Variants in SRRM4 observed in about 807,000 individuals in gnomAD.
SRRM4 encodes serine/arginine repetitive matrix 4, also known as serine/arginine repetitive matrix protein 4.
A neutral mutation model predicts 68.9 loss-of-function variants in SRRM4; 33 were observed. That is an observed-to-expected ratio of 0.48 (90% confidence interval 0.36 to 0.64). The LOEUF is 0.64. Among genes scored for constraint, SRRM4 ranks in the 30% least tolerant of loss-of-function variants. The pLI is 0.00. For synonymous variants in SRRM4, 318 were observed against 318.8 expected (o/e 1.00, Z 0.03); for missense variants, 817 against 827.1 (o/e 0.99, Z 0.15).
rs1954517949 is a variant in SRRM4, at chr12:119,162,085, A to G, written c.*5287A>G. On this transcript the variant is annotated 3_prime_UTR_variant, in exon 13 of 13. Transcript: ENST00000267260. ...CTGTAAAATGGGGCTTGTCCTATATATTATCTGCAAGACGTGGGAAATGGG... is the reference window on the plus strand; with the variant it reads ...CTGTAAAATGGGGCTTGTCCTATATGTTATCTGCAAGACGTGGGAAATGGG... The G allele has an allele frequency of 6.6e-6, 1 of 152,106 alleles. No homozygotes were observed. Among genetic ancestry groups the G allele is most frequent in the Non-Finnish European group, 1.5e-5 (1 of 68,018 alleles). The allele number at this position is 152,106 out of a possible 1,614,324, so 9.4% of individuals were successfully genotyped here. A position where few individuals can be genotyped will look rare whatever the true frequency, so the allele number is the denominator to read the frequency against.
At chr12:118,999,116 A>G (rs1424265980) in intron 1 of SRRM4, among the ~76,000 whole-genome samples, 2 of 152,204 alleles carry the variant, frequency 1.3e-5, no homozygotes, top group Non-Finnish European at 2.9e-5. Flanking sequence ...TCTTTATCCT[A>G]TCTGGAAGGA....
intron 9 of SRRM4, among the ~76,000 whole-genome samples, chr12:119,147,789 C>T (rs1332268808): frequency 6.6e-6 from 1 of 152,182 alleles, no homozygotes; most frequent in Non-Finnish European, 1.5e-5. Context: ...GCATATGAGC[C>T]AGTTGTAATT....
chr12:119,021,979 G>A (rs1953519098), intron 1 of SRRM4, among the ~76,000 whole-genome samples: 1 of 151,958 alleles, frequency 6.6e-6, no homozygotes. Context: ...GGTATTTCTT[G>A]TTCTAGATCC....
At chr12:119,115,724 C>G (rs1356525124) in intron 3 of SRRM4, among the ~76,000 whole-genome samples, 6 of 152,118 alleles carry the variant, frequency 3.9e-5, no homozygotes, top group African/African-American at 1.2e-4. Flanking sequence ...AAGGAAACCT[C>G]AGATATTAAG....
Position 119,068,408 on chromosome 12 carries a change from C to G in SRRM4, c.132-33828C>G, listed in dbSNP as rs1953858870. Among the ~76,000 whole-genome samples, 11 of 152,178 alleles carry G rather than the reference C, an allele frequency of 7.2e-5. No homozygotes were observed. The South Asian group carries it at 2.3e-3, about 32-fold the overall frequency. Reference sequence around the variant, plus strand: ...ACAAAAAGGGAGCCAAGGCAGTCTTCGTGCAGACTGCTTCTGCCACCAGCC... The same window carrying G: ...ACAAAAAGGGAGCCAAGGCAGTCTTGGTGCAGACTGCTTCTGCCACCAGCC... On this transcript the variant is annotated intron_variant, in intron 1 of 12. Transcript: ENST00000267260.
chr12:119,099,052 G>A lies in SRRM4; in HGVS notation c.132-3184G>A, dbSNP rs567131672. On this transcript the variant is annotated intron_variant, in intron 1 of 12. Coordinates refer to ENST00000267260, the MANE Select transcript of SRRM4 (RefSeq NM_194286.4). ...TCTTCTCCCATCTCAGCTACAGAGA[G>A]CCCCAAAGGTCTTCCCATGACCTGA... Among the ~76,000 whole-genome samples the A allele has an allele frequency of 5.9e-5, 9 of 152,172 alleles. No homozygotes were observed. In the South Asian group the frequency reaches 1.9e-3, roughly 32 times the overall value.
At chr12:119,058,495 A>T (rs1440950230) in intron 1 of SRRM4, among the ~76,000 whole-genome samples, 1 of 152,128 alleles carries the variant, frequency 6.6e-6, no homozygotes, top group Non-Finnish European at 1.5e-5. Flanking sequence ...CTCAGCCCAA[A>T]AGTGGCAAAG....
intron 1 of SRRM4, among the ~76,000 whole-genome samples, chr12:119,033,247 CA>C (rs762914394): frequency 1.5e-4 from 23 of 152,088 alleles, no homozygotes; most frequent in Non-Finnish European, 3.1e-4. Context: ...CAACAAATAC[CA>C]AAATTTTGCC....
At chr12:119,026,994 G>C (rs1953552898) in intron 1 of SRRM4, among the ~76,000 whole-genome samples, 1 of 152,122 alleles carries the variant, frequency 6.6e-6, no homozygotes, top group Admixed American at 6.6e-5. Context: ...GAGGCTTTGG[G>C]GAAAAATTTC....
chr12:119,049,983 A>G (rs910728169), intron 1 of SRRM4, among the ~76,000 whole-genome samples: 8 of 152,362 alleles, frequency 5.3e-5, no homozygotes, highest in African/African-American at 1.9e-4. Flanking sequence ...ACTGAGGGTT[A>G]GGACTTCAAT....
chr12:119,005,985 G>A (rs964754366), intron 1 of SRRM4, among the ~76,000 whole-genome samples: 5 of 152,156 alleles, frequency 3.3e-5, no homozygotes, highest in African/African-American at 7.2e-5. Flanking sequence ...ACAGCCCCTG[G>A]TCATCTATTG....
At chr12:119,125,337 C>A in intron 6 of SRRM4, 44 bp from the exon 7 acceptor site, 2 of 1,542,736 alleles carry the variant, frequency 1.3e-6, no homozygotes, top group Non-Finnish European at 1.8e-6. Context: ...CTTTTTTACT[C>A]TCTCTCTCCT....
At chr12:119,051,778 G>C (rs974594840) in intron 1 of SRRM4, among the ~76,000 whole-genome samples, 1 of 152,204 alleles carries the variant, frequency 6.6e-6, no homozygotes, top group African/African-American at 2.4e-5. Context: ...CTCCATCTTA[G>C]AGGAGCAAGC....
chr12:119,040,075 G>C (rs907555423), intron 1 of SRRM4, among the ~76,000 whole-genome samples: 1 of 152,026 alleles, frequency 6.6e-6, no homozygotes, highest in African/African-American at 2.4e-5. Flanking sequence ...AGAGTGGATA[G>C]AAGTCACCTC....
intron 1 of SRRM4, among the ~76,000 whole-genome samples, chr12:119,087,646 C>T (rs1953987558): frequency 6.6e-6 from 1 of 152,060 alleles, no homozygotes; most frequent in African/African-American, 2.4e-5. Flanking sequence ...ATAGACTGTG[C>T]AGACAGCAGC....
chr12:119,125,764 A>T (rs12812410), intron 7 of SRRM4, among the ~76,000 whole-genome samples: 67,331 of 151,518 alleles, frequency 0.44, 15,611 homozygotes, highest in East Asian at 0.56. Flanking sequence ...TACTAAAAAT[A>T]CAAAAAATTA....
intron 1 of SRRM4, among the ~76,000 whole-genome samples, chr12:119,092,336 C>T (rs1954018789): frequency 6.6e-6 from 1 of 152,168 alleles, no homozygotes; most frequent in Admixed American, 6.5e-5. Flanking sequence ...CTTCTCTGAA[C>T]TCCAGGCTCA....
chr12:119,120,568 G>A (rs1286999225), intron 5 of SRRM4, among the ~76,000 whole-genome samples: 3 of 152,200 alleles, frequency 2.0e-5, no homozygotes, highest in East Asian at 1.9e-4. Context: ...TTGAACTGGG[G>A]CACATAGGGA....
intron 3 of SRRM4, among the ~76,000 whole-genome samples, chr12:119,115,848 T>C (rs1954176335): frequency 4.6e-5 from 7 of 152,210 alleles, no homozygotes; most frequent in Admixed American, 4.6e-4. Context: ...TCTGCAGACA[T>C]GTTTTGTTTG....
Sources: gnomAD v4.1 joint callset for allele counts (sites outside exome capture counted in the v4.1 genomes callset) on GRCh38, gnomAD v4.1.1 for gene constraint, MANE v1.5 for transcripts, NCBI Gene and HGNC (gene_info 2026-07-23, HGNC 2026-07-21) for gene names.